BACE2: variants seen among roughly 807,000 people sequenced by gnomAD.
The protein encoded by BACE2 is 56 kDa aspartic-like protease.
BACE2 carries 17 observed loss-of-function variants against 46.2 expected under a neutral mutation model. The observed-to-expected ratio is 0.37, with a 90% CI of 0.25 to 0.55. The LOEUF (loss-of-function observed/expected upper bound fraction) is 0.55. BACE2 is among the 20% of genes least tolerant of loss of function. The pLI is 0.82. For synonymous variants in BACE2, 277 were observed against 295.9 expected (o/e 0.94, Z 0.66); for missense variants, 595 against 698.1 (o/e 0.85, Z 1.66).
At chr21:41,199,365 C>A (rs1040344739) in intron 1 of BACE2, among the ~76,000 whole-genome samples, 2 of 151,870 alleles carry the variant, frequency 1.3e-5, no homozygotes, top group African/African-American at 4.8e-5. Flanking sequence ...GGAAGGCTGG[C>A]GAGGAGGAAG....
At chr21:41,217,367 T>A (rs1335657897) in intron 1 of BACE2, among the ~76,000 whole-genome samples, 4 of 152,254 alleles carry the variant, frequency 2.6e-5, no homozygotes, top group Non-Finnish European at 5.9e-5. Context: ...AGCCCTAGTA[T>A]TCTCTGATTT....
chr21:41,254,044 C>T (rs1466518866), intron 7 of BACE2, among the ~76,000 whole-genome samples: 3 of 152,108 alleles, frequency 2.0e-5, no homozygotes, highest in Non-Finnish European at 4.4e-5. Context: ...GGGGAAACCG[C>T]CAGGGTTCTT....
chr21:41,194,954 A>G (rs1461325456), intron 1 of BACE2, among the ~76,000 whole-genome samples: 1 of 152,220 alleles, frequency 6.6e-6, no homozygotes, highest in African/African-American at 2.4e-5. Context: ...AGCAGGGAAG[A>G]AGCGGACCCA....
intron 1 of BACE2, chr21:41,184,469 A>G (rs948517387): frequency 1.8e-5 from 3 of 167,068 alleles, no homozygotes; most frequent in Non-Finnish European, 4.4e-5. Flanking sequence ...CTTTCCTTTT[A>G]TAAGGTCTAA....
intron 1 of BACE2, among the ~76,000 whole-genome samples, chr21:41,218,942 A>G (rs1986557813): frequency 6.6e-6 from 1 of 150,550 alleles, no homozygotes; most frequent in African/African-American, 2.5e-5. Flanking sequence ...AGCTCACTGC[A>G]ACCTCCGCCT....
chr21:41,201,874 G>C (rs931087866), intron 1 of BACE2, among the ~76,000 whole-genome samples: 4 of 152,196 alleles, frequency 2.6e-5, no homozygotes, highest in African/African-American at 9.7e-5. Flanking sequence ...TCCCAAACTA[G>C]CAAACCCAGC....
intron 8 of BACE2, 69 bp from the exon 9 acceptor site, chr21:41,275,300 CTG>C: frequency 6.3e-7 from 1 of 1,595,450 alleles, no homozygotes; most frequent in East Asian, 2.2e-5. Flanking sequence ...CCAAGGGGTT[CTG>C]TCTGTGTCCA....
intron 1 of BACE2, among the ~76,000 whole-genome samples, chr21:41,190,523 G>T (rs1188729987): frequency 6.6e-6 from 1 of 152,186 alleles, no homozygotes; most frequent in African/African-American, 2.4e-5. Context: ...CCTCGTTTCT[G>T]CAGCTGGTCA....
intron 8 of BACE2, among the ~76,000 whole-genome samples, chr21:41,270,992 TA>T (rs901325330): frequency 2.0e-5 from 3 of 152,178 alleles, no homozygotes; most frequent in South Asian, 2.1e-4. Context: ...TGTTATTAGG[TA>T]AAAAAACATT....
At position 41,243,510 on chromosome 21, in the gene BACE2, G is replaced by A; in HGVS notation, c.882G>A (p.Glu294=). ...GGQSLNLDCR[E]YNADKAIVDS... is the part of the protein sequence containing the mutation. Reference sequence around the variant, plus strand: ...AAAGCCTTAATCTGGACTGCAGAGAGGTATTTATGCTATGGTCTCTGTTGT... The same window carrying A: ...AAAGCCTTAATCTGGACTGCAGAGAAGTATTTATGCTATGGTCTCTGTTGT... Residue 294 remains glutamate (E), a splice_region_variant and synonymous_variant, in exon 5 of 9, where the codon GAG becomes GAA. Transcript: ENST00000330333. 1 of 1,607,778 alleles carries A rather than the reference G, an allele frequency of 6.2e-7. No homozygotes were observed. Among genetic ancestry groups the A allele is most frequent in the Non-Finnish European group, 8.5e-7 (1 of 1,177,546 alleles).
chr21:41,244,180 G>A (rs1161952698), intron 5 of BACE2, among the ~76,000 whole-genome samples: 1 of 152,182 alleles, frequency 6.6e-6, no homozygotes, highest in Admixed American at 6.5e-5. Context: ...CCATGGGGAT[G>A]TCATTATATT....
intron 1 of BACE2, among the ~76,000 whole-genome samples, chr21:41,168,836 G>A (rs545787750): frequency 6.6e-6 from 1 of 152,130 alleles, no homozygotes; most frequent in African/African-American, 2.4e-5. Context: ...CCCTCCGCGG[G>A]GCTGGGCGGG....
chr21:41,204,237 C>T (rs138837252), intron 1 of BACE2, among the ~76,000 whole-genome samples: 7,463 of 152,200 alleles, frequency 0.049, 240 homozygotes, highest in Non-Finnish European at 0.069. Context: ...GACAGGGTTT[C>T]AACATGTTGG....
chr21:41,252,354 C>T (rs1987666414), intron 7 of BACE2: 1 of 152,358 alleles, frequency 6.6e-6, no homozygotes, highest in African/African-American at 2.4e-5. Context: ...GCCCTCCCTT[C>T]CTTACTCCGC....
At chr21:41,251,992 T>C (rs1601310047) in intron 7 of BACE2, among the ~76,000 whole-genome samples, 1 of 152,080 alleles carries the variant, frequency 6.6e-6, no homozygotes, top group African/African-American at 2.4e-5. Context: ...CTCCCCTCCG[T>C]TACTGAGCCC....
intron 2 of BACE2, among the ~76,000 whole-genome samples, chr21:41,234,166 A>T (rs1601293036): frequency 6.6e-6 from 1 of 152,176 alleles, no homozygotes. Flanking sequence ...ATGGTTTTAT[A>T]AGGGGAAATC....
intron 2 of BACE2, among the ~76,000 whole-genome samples, chr21:41,227,191 CCAGGTAAATTTAAATTCAACGGACAGAA>C (rs1395823820): frequency 3.3e-5 from 5 of 152,166 alleles, no homozygotes; most frequent in Admixed American, 1.3e-4. Flanking sequence ...CAACAGACAG[CCAGGTAAATTTAAATTCAACGGACAGAA>C]CAGGTAAATT....
rs117977160 is a variant in BACE2 at position 41,211,185 on chromosome 21, C to G, written c.313-15081C>G. 6.2e-3 allele frequency among the ~76,000 whole-genome samples: 930 copies of G among 150,846 alleles called. 30 individuals carry two copies. The East Asian group carries it at 0.065, about 10-fold the overall frequency. On this transcript the variant is annotated intron_variant, in intron 1 of 8. Transcript: ENST00000330333. ...ATTCCCCCCTCCCCATCCCTCTCCCCCCTTCACTGCCACCGTCCACTTGGC... is the reference window on the plus strand; with the variant it reads ...ATTCCCCCCTCCCCATCCCTCTCCCGCCTTCACTGCCACCGTCCACTTGGC...
intron 1 of BACE2, among the ~76,000 whole-genome samples, chr21:41,215,242 G>A (rs1429936360): frequency 1.3e-5 from 2 of 152,220 alleles, no homozygotes; most frequent in African/African-American, 4.8e-5. Flanking sequence ...GCTGGAGGGA[G>A]TGTGTTTTGG....
Sources: gnomAD v4.1 joint callset for allele counts (sites outside exome capture counted in the v4.1 genomes callset) on GRCh38, gnomAD v4.1.1 for gene constraint, MANE v1.5 for transcripts, NCBI Gene and HGNC (gene_info 2026-07-23, HGNC 2026-07-21) for gene names.